Variants in CLMP observed in about 807,000 individuals in gnomAD.
CLMP encodes the protein CXADR like cell adhesion molecule.
CLMP carries 27 observed loss-of-function variants against 45.2 expected under a neutral mutation model. The observed-to-expected ratio is 0.60, with a 90% CI of 0.44 to 0.82. The LOEUF (loss-of-function observed/expected upper bound fraction) is 0.82, where lower values mean the gene tolerates loss of function less well. Ranked by LOEUF, CLMP falls within the 40% of genes least tolerant of loss-of-function variation. CLMP has a pLI of 0.00. For synonymous variants in CLMP, 167 were observed against 171.4 expected (o/e 0.97, Z 0.20); for missense variants, 403 against 448.4 (o/e 0.90, Z 0.91).
intron 1 of CLMP, among the ~76,000 whole-genome samples, chr11:123,130,316 G>A (rs918220683): frequency 2.0e-5 from 3 of 152,150 alleles, no homozygotes; most frequent in Non-Finnish European, 4.4e-5. Context: ...TTGTCACTCA[G>A]AGTCACCGTG....
At chr11:123,152,118 C>T (rs746750845) in intron 1 of CLMP, among the ~76,000 whole-genome samples, 13 of 152,170 alleles carry the variant, frequency 8.5e-5, no homozygotes, top group Non-Finnish European at 1.8e-4. Flanking sequence ...TGCCCTGATG[C>T]TTTCACTGAG....
At chr11:123,091,017 G>C (rs1264823038) in intron 2 of CLMP, among the ~76,000 whole-genome samples, 3 of 152,176 alleles carry the variant, frequency 2.0e-5, no homozygotes, top group Non-Finnish European at 4.4e-5. Context: ...ATTAAACTGC[G>C]AGGGTCCCAG....
At chr11:123,131,921 CCTTA>C (rs1860995561) in intron 1 of CLMP, among the ~76,000 whole-genome samples, 1 of 152,098 alleles carries the variant, frequency 6.6e-6, no homozygotes, top group Non-Finnish European at 1.5e-5. Flanking sequence ...TGACCAAGAT[CCTTA>C]ATTTTTCTAA....
intron 2 of CLMP, among the ~76,000 whole-genome samples, chr11:123,095,203 T>C (rs759638061): frequency 6.6e-6 from 1 of 152,204 alleles, no homozygotes; most frequent in Non-Finnish European, 1.5e-5. Context: ...CACTTGGCTA[T>C]ATAACCAAGC....
intron 1 of CLMP, among the ~76,000 whole-genome samples, chr11:123,116,001 C>T (rs1296523895): frequency 6.6e-6 from 1 of 151,992 alleles, no homozygotes; most frequent in South Asian, 2.1e-4. Flanking sequence ...TACTTCTAAA[C>T]TCACTCATGA....
Position 123,193,623 on chromosome 11 carries a change from G to A in CLMP, c.28+1290C>T, listed in dbSNP as rs550790063. Among the ~76,000 whole-genome samples the A allele has an allele frequency of 1.1e-4, 16 of 152,348 alleles. No individual in the cohort carries two copies. The South Asian group carries it at 3.3e-3, about 32-fold the overall frequency. On this transcript the variant is annotated intron_variant, in intron 1 of 6. Coordinates refer to ENST00000448775, the MANE Select transcript of CLMP (RefSeq NM_024769.5). ...CTCTAACTTAAGTGATTATCAGCCT[G>A]AGGCTGGCCAAGATGGGTATGCATA... is the stretch of plus-strand genomic sequence containing the variant.
intron 1 of CLMP, among the ~76,000 whole-genome samples, chr11:123,104,305 T>G (rs1025175592): frequency 6.6e-6 from 1 of 151,532 alleles, no homozygotes; most frequent in Non-Finnish European, 1.5e-5. Context: ...GGTCTCAAAC[T>G]CCTGGCCTCA....
rs1865917637 is a variant in CLMP, at chr11:123,090,411, ACT to A, written c.187-5700_187-5699del. The stretch of plus-strand genomic sequence containing the variant: ...CACTCCAACCTGGCAACAGAGCGAG[ACT>A]CTGTCTCAAAAAAAAAAAGAAAAAA... On this transcript the variant is annotated intron_variant, in intron 2 of 6. Transcript: ENST00000448775. Among the ~76,000 whole-genome samples the A allele has an allele frequency of 4.6e-5, 7 of 151,204 alleles. No homozygotes were observed. The South Asian group carries it at 1.3e-3, about 27-fold the overall frequency.
chr11:123,164,981 G>C (rs1861538610), intron 1 of CLMP, among the ~76,000 whole-genome samples: 1 of 152,200 alleles, frequency 6.6e-6, no homozygotes, highest in Admixed American at 6.5e-5. Flanking sequence ...TGTCGTAACA[G>C]AAGGGTCATG....
intron 1 of CLMP, among the ~76,000 whole-genome samples, chr11:123,150,480 A>AAAGAAAGAAAGAAAGAAAGGAAGAAAGG (rs764502298): frequency 2.4e-5 from 1 of 40,962 alleles, no homozygotes; most frequent in Admixed American, 2.7e-4. Context: ...AGAAAGAAAG[A>AAAGAAAGAAAGAAAGAAAGGAAGAAAGG]AAGGAAGGAA....
intron 5 of CLMP, among the ~76,000 whole-genome samples, chr11:123,079,615 T>G (rs1277851543): frequency 1.3e-5 from 2 of 151,990 alleles, no homozygotes; most frequent in African/African-American, 4.8e-5. Flanking sequence ...AGCTAATTTT[T>G]TGTGTGTTTT....
At chr11:123,150,495 G>GAA (rs1861310751) in intron 1 of CLMP, among the ~76,000 whole-genome samples, 2 of 117,014 alleles carry the variant, frequency 1.7e-5, no homozygotes, top group Non-Finnish European at 3.5e-5. Context: ...AAGGAAGGAA[G>GAA]GAAGGAAGGA....
chr11:123,130,362 G>T (rs1370808605), intron 1 of CLMP, among the ~76,000 whole-genome samples: 1 of 152,156 alleles, frequency 6.6e-6, no homozygotes, highest in Non-Finnish European at 1.5e-5. Context: ...CTGGGAAATG[G>T]CCCCAGGACC....
intron 1 of CLMP, among the ~76,000 whole-genome samples, chr11:123,184,307 C>T (rs2135549679): frequency 6.6e-6 from 1 of 152,246 alleles, no homozygotes; most frequent in Non-Finnish European, 1.5e-5. Context: ...GTTGGCCAGG[C>T]TGGTCTCGAA....
chr11:123,111,935 A>G (rs1261418560), intron 1 of CLMP, among the ~76,000 whole-genome samples: 1 of 152,194 alleles, frequency 6.6e-6, no homozygotes, highest in African/African-American at 2.4e-5. Flanking sequence ...TTATTTTTTT[A>G]GAGACGGTAT....
chr11:123,140,145 A>G (rs78878252), intron 1 of CLMP, among the ~76,000 whole-genome samples: 4,024 of 152,346 alleles, frequency 0.026, 154 homozygotes, highest in African/African-American at 0.09. Flanking sequence ...TGCATAGGCA[A>G]ACAGGAAGTA....
intron 1 of CLMP, 56 bp downstream of exon 1, chr11:123,194,857 G>T: frequency 6.2e-7 from 1 of 1,606,378 alleles, no homozygotes; most frequent in Non-Finnish European, 8.5e-7. Flanking sequence ...TTTCCCGGAC[G>T]CAGGGCTGCG....
chr11:123,123,733 C>G (rs918432174), intron 1 of CLMP, among the ~76,000 whole-genome samples: 1 of 152,168 alleles, frequency 6.6e-6, no homozygotes, highest in Non-Finnish European at 1.5e-5. Context: ...TAGACACAAT[C>G]CATACACAAT....
chr11:123,177,888 C>T (rs1188998787), intron 1 of CLMP, among the ~76,000 whole-genome samples: 1 of 152,178 alleles, frequency 6.6e-6, no homozygotes, highest in Non-Finnish European at 1.5e-5. Context: ...CGGGGTCTCA[C>T]TCTGTTGCCC....
Sources: allele counts gnomAD v4.1 joint callset (sites outside exome capture counted in the v4.1 genomes callset), GRCh38; gene constraint gnomAD v4.1.1; transcripts MANE v1.5; gene names NCBI Gene and HGNC (gene_info 2026-07-23, HGNC 2026-07-21).